Variants in LRRC37A2 observed in about 807,000 individuals in gnomAD.
LRRC37A2 encodes the protein leucine rich repeat containing 37 member A2.
A neutral mutation model predicts 68.8 loss-of-function variants in LRRC37A2; 9 were observed. The ratio of observed to expected loss-of-function variants is 0.13; its 90% CI spans 0.08 to 0.23. The LOEUF is 0.23. LRRC37A2 is among the 10% of genes least tolerant of loss of function. The pLI, the probability that LRRC37A2 is intolerant of heterozygous loss-of-function variation, is 1.00. For missense variants in LRRC37A2, 168 were observed against 950.4 expected (o/e 0.18, Z 10.82); for synonymous variants, 63 against 367.6 (o/e 0.17, Z 9.48).
At chr17:46,966,012 T>C in the LRRC37A2 span, among the ~76,000 whole-genome samples, 2 of 151,066 alleles carry the variant, frequency 1.3e-5, no homozygotes, top group South Asian at 4.3e-4. Flanking sequence ...GACCTAACCT[T>C]CTCTTTCTTT....
the LRRC37A2 span, among the ~76,000 whole-genome samples, chr17:46,493,343 A>T: frequency 2.1e-5 from 2 of 94,224 alleles, no homozygotes; most frequent in Non-Finnish European, 2.3e-5. Flanking sequence ...TTTTTTTTTT[A>T]ATAGAGATGG....
chr17:46,718,160 G>A, the LRRC37A2 span, among the ~76,000 whole-genome samples: 150 of 152,270 alleles, frequency 9.9e-4, 2 homozygotes, highest in South Asian at 3.9e-3. Flanking sequence ...GGCTGGTTCC[G>A]GTCTCCAGAG....
the LRRC37A2 span, among the ~76,000 whole-genome samples, chr17:46,391,998 TAGTA>T: frequency 2.1e-5 from 1 of 47,948 alleles, no homozygotes; most frequent in Non-Finnish European, 4.7e-5. Context: ...TTATATTTAT[TAGTA>T]AGCTGAATTT....
At chr17:46,932,195 C>G in the LRRC37A2 span, 2 of 1,614,062 alleles carry the variant, frequency 1.2e-6, no homozygotes, top group East Asian at 4.5e-5. Flanking sequence ...ACCTTCACCA[C>G]TAACGTAAGC....
the LRRC37A2 span, among the ~76,000 whole-genome samples, chr17:46,902,745 C>T: frequency 9.9e-5 from 15 of 152,048 alleles, no homozygotes; most frequent in Non-Finnish European, 2.9e-5. Context: ...AGTAGCCAAC[C>T]CTGTGGTCAG....
chr17:46,823,160 TATATATTATATATTTATATATA>T, the LRRC37A2 span, among the ~76,000 whole-genome samples: 1 of 130,394 alleles, frequency 7.7e-6, no homozygotes, highest in East Asian at 2.1e-4. Context: ...ATTTATATAT[TATATATTATATATTTATATATA>T]ATATATTATA....
rs1468683039 is a variant in LRRC37A2 at position 46,546,239 on chromosome 17, CTG to C, written c.3054-14_3054-13del. 3.0e-6 allele frequency: 2 copies of C among 665,982 alleles called. No homozygotes were observed. The highest frequency in any genetic ancestry group is 2.2e-5 in the African/African-American group (1 of 45,192). The allele number at this position is 665,982 out of a possible 1,614,324, so 41.3% of individuals were successfully genotyped here. ...CGCTTTACCGCTAATTTATTGCTCT[CTG>C]TTTTCATCTATAGGATCTTACCTAG... On this transcript the variant is annotated splice_polypyrimidine_tract_variant and intron_variant, in intron 8 of 14. Coordinates refer to ENST00000576629, the Ensembl canonical transcript of LRRC37A2.
the LRRC37A2 span, among the ~76,000 whole-genome samples, chr17:46,679,647 G>A: frequency 2.8e-5 from 4 of 141,768 alleles, no homozygotes; most frequent in Admixed American, 7.0e-5. Context: ...AGCCAAGATC[G>A]TGCCACTGGA....
At chr17:47,005,745 CTG>C in the LRRC37A2 span, 16 of 152,176 alleles carry the variant, frequency 1.1e-4, no homozygotes, top group Non-Finnish European at 2.1e-4. Context: ...ATTCTGGAGT[CTG>C]GCTGCTTCTT....
chr17:47,033,950 A>G, the LRRC37A2 span, among the ~76,000 whole-genome samples: 2,444 of 152,338 alleles, frequency 0.016, 46 homozygotes, highest in African/African-American at 0.056. Context: ...GATACCAAAA[A>G]GGCGATGGAC....
chr17:46,583,509 C>T, the LRRC37A2 span, among the ~76,000 whole-genome samples: 1 of 76,170 alleles, frequency 1.3e-5, no homozygotes, highest in Admixed American at 1.4e-4. Flanking sequence ...GTTGGCCAGG[C>T]TCGTCTCGAA....
chr17:46,925,635 C>T, the LRRC37A2 span, among the ~76,000 whole-genome samples: 1 of 152,186 alleles, frequency 6.6e-6, no homozygotes, highest in Non-Finnish European at 1.5e-5. Flanking sequence ...ACGTGGAGTC[C>T]AGTGAGCACC....
At chr17:46,605,217 C>T in the LRRC37A2 span, among the ~76,000 whole-genome samples, 330 of 73,754 alleles carry the variant, frequency 4.5e-3, 5 homozygotes, top group African/African-American at 0.017. Flanking sequence ...TTTGGGAGCC[C>T]GAGGAGGGTG....
At chr17:46,762,433 C>T in the LRRC37A2 span, 1 of 151,916 alleles carries the variant, frequency 6.6e-6, no homozygotes, top group African/African-American at 2.4e-5. Flanking sequence ...CTGAGGCCAC[C>T]ATGTTCAGAA....
chr17:46,970,489 G>A, the LRRC37A2 span, among the ~76,000 whole-genome samples: 5,302 of 138,366 alleles, frequency 0.038, 178 homozygotes, highest in African/African-American at 0.098. Context: ...GCAGCAAGCC[G>A]AGATCAAGCC....
chr17:46,723,611 AT>A, the LRRC37A2 span, among the ~76,000 whole-genome samples: 1 of 152,134 alleles, frequency 6.6e-6, no homozygotes, highest in Non-Finnish European at 1.5e-5. Context: ...CTCATGATCC[AT>A]TTTCAAACCA....
chr17:46,975,957 A>T, the LRRC37A2 span, among the ~76,000 whole-genome samples: 1 of 152,040 alleles, frequency 6.6e-6, no homozygotes, highest in African/African-American at 2.4e-5. Flanking sequence ...GACGGAGTCT[A>T]GCACTGTCGC....
At chr17:46,913,216 G>A in the LRRC37A2 span, among the ~76,000 whole-genome samples, 2 of 152,238 alleles carry the variant, frequency 1.3e-5, no homozygotes, top group South Asian at 2.1e-4. Context: ...ATGCCAAGCA[G>A]GTAGGATACT....
the LRRC37A2 span, among the ~76,000 whole-genome samples, chr17:46,902,204 G>A: frequency 9.1e-4 from 139 of 152,266 alleles, 1 homozygote; most frequent in African/African-American, 3.0e-3. Context: ...CCCTCCTGAA[G>A]CATCTTCCTT....
Sources: gnomAD v4.1 joint callset for allele counts (sites outside exome capture counted in the v4.1 genomes callset) on GRCh38, gnomAD v4.1.1 for gene constraint, MANE v1.5 for transcripts, NCBI Gene and HGNC (gene_info 2026-07-23, HGNC 2026-07-21) for gene names.